NELFA: variants seen among roughly 807,000 people sequenced by gnomAD.
NELFA encodes negative elongation factor complex member A, also known as negative elongation factor A.
Under a neutral mutation model 51.8 loss-of-function variants are expected in NELFA, and 35 were observed. That is an observed-to-expected ratio of 0.68 (90% confidence interval 0.52 to 0.90). The LOEUF (loss-of-function observed/expected upper bound fraction) is 0.90. Among genes scored for constraint, NELFA ranks in the 40% least tolerant of loss-of-function variants. The pLI is 0.00. For missense variants in NELFA, 658 were observed against 746.4 expected, an observed-to-expected ratio of 0.88 and a Z score of 1.38; for synonymous variants, 417 against 338.4, an observed-to-expected ratio of 1.23 and a Z score of -2.55.
Position 1,989,618 on chromosome 4 carries a change from T to C in NELFA, c.544+90A>G. The C allele has an allele frequency of 1.4e-6, 2 of 1,422,570 alleles. No homozygotes were observed. The highest frequency in any genetic ancestry group is 1.9e-6 in the Non-Finnish European group (2 of 1,054,640). The allele number at this position is 1,422,570 out of a possible 1,614,324, so 88.1% of individuals were successfully genotyped here. ...ACCATGCCTGGCCCAGAACGCCACCTTGAAGGGGCAGTCTTGGTACCTTAG... is the reference window on the plus strand; with the variant it reads ...ACCATGCCTGGCCCAGAACGCCACCCTGAAGGGGCAGTCTTGGTACCTTAG... On this transcript the variant is annotated intron_variant, in intron 3 of 10. Transcript: ENST00000382882. This position sits in a 1 kb window ranked among gnomAD's most constrained non-coding sequence, Gnocchi z 4.8.
At chr4:1,987,328 T>C (rs980948405) in intron 4 of NELFA, among the ~76,000 whole-genome samples, 19 of 152,072 alleles carry the variant, frequency 1.2e-4, no homozygotes, top group African/African-American at 4.1e-4. Context: ...CCCTCTGGGG[T>C]GAGTATGCCC....
At chr4:2,003,185 C>G (rs143237649) in intron 1 of NELFA, among the ~76,000 whole-genome samples, 2,411 of 152,322 alleles carry the variant, frequency 0.016, 35 homozygotes, top group Non-Finnish European at 0.022. Context: ...GAGATACCAT[C>G]TCACGCCAGT....
At position 1,988,347 on chromosome 4, in the gene NELFA, G is replaced by A. The variant is rs550557886; in HGVS notation, c.545-340C>T. On this transcript the variant is annotated intron_variant, in intron 3 of 10. Transcript: ENST00000382882. ...CTGGCCCAGTGGTAGCACCGTCCTC[G>A]CTGAGGGTCAGCAGGCACGGTCTAG... Among the ~76,000 whole-genome samples the A allele has an allele frequency of 5.9e-5, 9 of 152,366 alleles. No individual in the cohort carries two copies. In the East Asian group the frequency reaches 1.7e-3, roughly 29 times the overall value.
In NELFA at chr4:1,991,456, T is replaced by C. The variant is rs190449122; in HGVS notation, c.382+88A>G. ...CAGGACACACGGAAAAACGTAAAGG[T>C]CTAAAAATCAAATTCATTTCAGAAA... On this transcript the variant is annotated intron_variant, in intron 2 of 10. Coordinates refer to ENST00000382882, the MANE Select transcript of NELFA (RefSeq NM_005663.5). The C allele has an allele frequency of 1.8e-5, 25 of 1,377,060 alleles. No homozygotes were observed. In the East Asian group the frequency reaches 5.7e-4, roughly 32 times the overall value. The allele number at this position is 1,377,060 out of a possible 1,614,324, so 85.3% of individuals were successfully genotyped here. A position where few individuals can be genotyped will look rare whatever the true frequency, so the allele number is the denominator to read the frequency against.
chr4:2,003,101 T>G (rs1351718984), intron 1 of NELFA, among the ~76,000 whole-genome samples: 1 of 152,124 alleles, frequency 6.6e-6, no homozygotes, highest in Non-Finnish European at 1.5e-5. Context: ...AAAGAAGACA[T>G]TTATGAGGCC....
intron 1 of NELFA, 81 bp from the exon 2 acceptor site, chr4:1,991,796 C>G (rs2109059940): frequency 1.4e-6 from 2 of 1,431,938 alleles, no homozygotes; most frequent in East Asian, 2.3e-5. Flanking sequence ...CGGATGGGCA[C>G]TGGGCAGTGG....
chr4:1,996,354 G>C (rs1456040184), intron 1 of NELFA, among the ~76,000 whole-genome samples: 2 of 152,220 alleles, frequency 1.3e-5, no homozygotes, highest in Admixed American at 6.5e-5. Context: ...ATCAAAACTT[G>C]TGGGATGCGG....
In NELFA at chr4:1,993,073, C is replaced by A. The variant is rs186545139; in HGVS notation, c.211-1358G>T. Among the ~76,000 whole-genome samples, 962 of 152,350 alleles carry A rather than the reference C, an allele frequency of 6.3e-3. 12 individuals are homozygous for A. Among genetic ancestry groups the A allele is most frequent in the Non-Finnish European group, 7.7e-3 (525 of 68,026 alleles). On this transcript the variant is annotated intron_variant, in intron 1 of 10. Coordinates refer to ENST00000382882, the MANE Select transcript of NELFA (RefSeq NM_005663.5). ...TGCCTCTGGCAGCCGCACAGCCCGG[C>A]TGTTTCCAGCCAGTGCGGCCTCTCC...
At chr4:1,996,396 C>T (rs1728424028) in intron 1 of NELFA, among the ~76,000 whole-genome samples, 1 of 152,174 alleles carries the variant, frequency 6.6e-6, no homozygotes. Context: ...AATTTATGGA[C>T]ATACGCACAT....
At chr4:1,987,779 C>T (rs746891575) in intron 4 of NELFA, 139 bp downstream of exon 4, 10 of 719,778 alleles carry the variant, frequency 1.4e-5, no homozygotes, top group Middle Eastern at 4.0e-4. Context: ...CCAGTGCCTT[C>T]GCTTTCCCAC....
In NELFA at chr4:1,986,233, G is replaced by A. The variant is rs372992255; in HGVS notation, c.765+39C>T. 176 of 1,564,460 alleles carry A rather than the reference G, an allele frequency of 1.1e-4. No homozygotes were observed. In the African/African-American group the frequency reaches 2.0e-3, roughly 18 times the overall value. On this transcript the variant is annotated intron_variant, in intron 5 of 10. Coordinates refer to ENST00000382882, the MANE Select transcript of NELFA (RefSeq NM_005663.5). ...CTTAGTGACGGCACCAGGGCGCAACGGGCCCCGGGGTGCCACAGGAGCTGG... is the reference window on the plus strand; with the variant it reads ...CTTAGTGACGGCACCAGGGCGCAACAGGCCCCGGGGTGCCACAGGAGCTGG...
In NELFA at chr4:2,001,972, G is replaced by A. The variant is rs531309907; in HGVS notation, c.210+6778C>T. Among the ~76,000 whole-genome samples the A allele has an allele frequency of 8.9e-4, 135 of 151,262 alleles. 1 individual carries two copies. The highest frequency in any genetic ancestry group is 6.8e-3 in the Middle Eastern group (2 of 292). ...TCCTAGCACTTTGGGAGGCCGAGGC[G>A]GACGGATCATGAGGTCAGGAGATCG... On this transcript the variant is annotated intron_variant, in intron 1 of 10. Coordinates refer to ENST00000382882, the MANE Select transcript of NELFA (RefSeq NM_005663.5).
chr4:2,002,100 T>C (rs1728587108), intron 1 of NELFA, among the ~76,000 whole-genome samples: 1 of 151,194 alleles, frequency 6.6e-6, no homozygotes, highest in Non-Finnish European at 1.5e-5. Context: ...CTAGGGAGGC[T>C]GACGCAGGAG....
intron 1 of NELFA, among the ~76,000 whole-genome samples, chr4:2,007,532 C>T (rs939719236): frequency 6.6e-6 from 1 of 152,222 alleles, no homozygotes; most frequent in Non-Finnish European, 1.5e-5. Flanking sequence ...ACAAAATACA[C>T]TATGATACCA....
chr4:1,983,995 T>C lies in NELFA; in HGVS notation c.1155A>G (p.Thr385=), dbSNP rs746789792. The C allele has an allele frequency of 3.7e-6, 6 of 1,608,434 alleles. No homozygotes were observed. The highest frequency in any genetic ancestry group is 1.1e-5 in the South Asian group (1 of 90,922). Residue 385 remains threonine, a synonymous_variant, in exon 9 of 11, where the codon ACA becomes ACG. Coordinates refer to ENST00000382882, the MANE Select transcript of NELFA (RefSeq NM_005663.5). Reference sequence around the variant, plus strand: ...GCGAGGTGGGCGCCGCAGGCGTGGGTGTGGCAGGGCTCAGGCCGCTGTTGT... The same window carrying C: ...GCGAGGTGGGCGCCGCAGGCGTGGGCGTGGCAGGGCTCAGGCCGCTGTTGT... ...PMYNSGLSPA[T]PTPAAPTSPL...
chr4:1,998,090 A>C (rs929981460), intron 1 of NELFA, among the ~76,000 whole-genome samples: 1 of 140,230 alleles, frequency 7.1e-6, no homozygotes. Context: ...GAAAACGACA[A>C]CAGCATCAAC....
At chr4:1,984,212 C>T in intron 8 of NELFA, 99 bp from the exon 9 acceptor site, 1 of 1,355,698 alleles carries the variant, frequency 7.4e-7, no homozygotes, top group Non-Finnish European at 9.7e-7. Context: ...CCTTCTCTGT[C>T]CTGCTACCCT....
At chr4:1,997,999 A>G (rs897767190) in intron 1 of NELFA, among the ~76,000 whole-genome samples, 1 of 151,952 alleles carries the variant, frequency 6.6e-6, no homozygotes, top group African/African-American at 2.4e-5. Flanking sequence ...TCAGATGAAT[A>G]TGGCCTGAAG....
chr4:1,987,920 G>T lies in NELFA; in HGVS notation c.632C>A (p.Thr211Asn). The T allele has an allele frequency of 6.2e-7, 1 of 1,604,668 alleles. No individual in the cohort carries two copies. The highest frequency in any genetic ancestry group is 1.1e-5 in the South Asian group (1 of 88,662). The part of the protein sequence containing the change: ...GRGLLRKMDT[T>N]TPLKGIPKQA... ...CGGCACCAGGGTGGGGGCCTTACTGGTGGTGTCCATCTTCCGCAGCAGCCC... is the reference window on the plus strand; with the variant it reads ...CGGCACCAGGGTGGGGGCCTTACTGTTGGTGTCCATCTTCCGCAGCAGCCC... Residue 211 changes from threonine to asparagine, a missense_variant and splice_region_variant, in exon 4 of 11, where the codon ACC becomes AAC. Coordinates refer to ENST00000382882, the MANE Select transcript of NELFA (RefSeq NM_005663.5).
Sources: gnomAD v4.1 joint callset for allele counts (sites outside exome capture counted in the v4.1 genomes callset) on GRCh38, gnomAD v4.1.1 for gene constraint, Gnocchi (gnomAD v3.1) non-coding constraint, MANE v1.5 for transcripts, NCBI Gene and HGNC (gene_info 2026-07-23, HGNC 2026-07-21) for gene names.